DIS3: variants seen among roughly 807,000 people sequenced by gnomAD.
DIS3 encodes the protein exosome complex exonuclease RRP44.
Under a neutral mutation model 113.0 loss-of-function variants are expected in DIS3, and 103 were observed. The ratio of observed to expected loss-of-function variants is 0.91; its 90% CI spans 0.78 to 1.07. DIS3 has a LOEUF of 1.07. DIS3 is among the 50% of genes least tolerant of loss of function. The probability of loss-of-function intolerance (pLI) is 0.00; values close to 1 mark genes in which losing one functional copy is unlikely to be tolerated. For synonymous variants in DIS3, 402 were observed against 394.3 expected, an observed-to-expected ratio of 1.02 and a Z score of -0.23; for missense variants, 1,121 against 1,167.1, an observed-to-expected ratio of 0.96 and a Z score of 0.58.
intron 15 of DIS3, among the ~76,000 whole-genome samples, chr13:72,763,994 A>C (rs2033690709): frequency 1.3e-5 from 2 of 152,078 alleles, no homozygotes. Flanking sequence ...TACTAAAAAT[A>C]TAAAAAAATT....
At chr13:72,774,829 T>C (rs1017363603) in intron 6 of DIS3, among the ~76,000 whole-genome samples, 11 of 152,166 alleles carry the variant, frequency 7.2e-5, no homozygotes, top group Admixed American at 7.2e-4. Flanking sequence ...ACGTCTATTA[T>C]GTTAAGGGAA....
Position 72,772,243 on chromosome 13 carries a change from C to T in DIS3, c.1419G>A (p.Leu473=). 2 of 1,612,988 alleles carry T rather than the reference C, an allele frequency of 1.2e-6. No homozygotes were observed. The highest frequency in any genetic ancestry group is 2.7e-5 in the African/African-American group (2 of 75,026). ...CTGGTGGGTCTACACTACAAATACA[C>T]AGATGCCTCAGGTCTTCTCGGTTTT... The part of the protein sequence containing the change: ...DMKNREDLRH[L]CICSVDPPGC... Residue 473 remains leucine (L), a synonymous_variant, in exon 10 of 21, where the codon CTG becomes CTA. Transcript: ENST00000377767.
At chr13:72,770,659 G>A (rs2033863396) in intron 13 of DIS3, among the ~76,000 whole-genome samples, 1 of 152,138 alleles carries the variant, frequency 6.6e-6, no homozygotes, top group Non-Finnish European at 1.5e-5. Context: ...GTTTAAGCAC[G>A]TGCCCGCAGC....
chr13:72,770,633 A>C (rs757958565), intron 13 of DIS3, among the ~76,000 whole-genome samples: 2 of 152,194 alleles, frequency 1.3e-5, no homozygotes, highest in South Asian at 2.1e-4. Context: ...GTGTAAATTT[A>C]AGTGCATCTG....
At position 72,777,422 on chromosome 13, in the gene DIS3, C is replaced by G. The variant is rs1236176033; in HGVS notation, c.652G>C (p.Gly218Arg). ...IDRLACLSEE[G>R]NEIESGKIIF... ...TCAAAAACAAAACAAAAACATACCC[C>G]TTCTTCAGACAAACAAGCAAGACGA... The change falls in exon 4 of 21, where the codon GGG becomes CGG. Residue 218 changes from glycine to arginine, a missense_variant and splice_region_variant. By Grantham distance (125) the Gly-to-Arg change is moderately radical. This residue lies in a region of DIS3 where 861 missense variants were observed against 915.5 expected (regional missense o/e 0.94). Coordinates refer to ENST00000377767, the MANE Select transcript of DIS3 (RefSeq NM_014953.5). 6.2e-7 allele frequency: 1 copy of G among 1,613,808 alleles called. No individual in the cohort carries two copies. Among genetic ancestry groups the G allele is most frequent in the Non-Finnish European group, 8.5e-7 (1 of 1,179,908 alleles).
At position 72,778,300 on chromosome 13, in the gene DIS3, T is replaced by C. The variant is rs1340484781; in HGVS notation, c.467A>G (p.Tyr156Cys). 2 of 1,607,534 alleles carry C rather than the reference T, an allele frequency of 1.2e-6. No homozygotes were observed. The highest frequency in any genetic ancestry group is 8.5e-7 in the Non-Finnish European group (1 of 1,175,136). The change falls in exon 3 of 21, where the codon TAC (tyrosine) becomes TGC (cysteine). Residue 156 changes from tyrosine (Y) to cysteine (C), a missense_variant. Coordinates refer to ENST00000377767, the MANE Select transcript of DIS3 (RefSeq NM_014953.5). ...DRAIRVAAKW[Y>C]NEHLKKMSAD... ...TGACATTTTTTTCAAATGTTCATTGTACCATTTTGCTGCTACTCGAATCGC... is the reference window on the plus strand; with the variant it reads ...TGACATTTTTTTCAAATGTTCATTGCACCATTTTGCTGCTACTCGAATCGC...
At position 72,754,929 on chromosome 13, in the gene DIS3, G is replaced by A. The variant is rs980888670; in HGVS notation, c.*4866C>T. On this transcript the variant is annotated 3_prime_UTR_variant, in exon 21 of 21. Coordinates refer to ENST00000377767, the MANE Select transcript of DIS3 (RefSeq NM_014953.5). Reference sequence around the variant, plus strand: ...GGGTCTCACTATGTTGCCAGGGCTAGTCCCAAACTCCTGGGCTCGTGCGAT... The same window carrying A: ...GGGTCTCACTATGTTGCCAGGGCTAATCCCAAACTCCTGGGCTCGTGCGAT... 12 of 452,362 alleles carry A rather than the reference G, an allele frequency of 2.7e-5. No individual in the cohort carries two copies. Among genetic ancestry groups the A allele is most frequent in the African/African-American group, 2.2e-4 (11 of 49,636 alleles). 28.0% of individuals were successfully genotyped at this position (452,362 alleles called of 1,614,324 possible). A position where few individuals can be genotyped will look rare whatever the true frequency, so the allele number is the denominator to read the frequency against.
intron 1 of DIS3, 110 bp from the exon 2 acceptor site, chr13:72,781,113 G>T (rs2034192212): frequency 1.5e-6 from 2 of 1,361,562 alleles, no homozygotes; most frequent in Admixed American, 2.4e-5. Context: ...TAAAAACACT[G>T]AATAAGTTAA....
In DIS3 at chr13:72,773,667, TA is replaced by T. The variant is rs770979327; in HGVS notation, c.1239+16del. ...TTAATTAAACATCCCCACATAAAATTAATACTTTAAGCTTACATTTGGATAT... is the reference window on the plus strand; with the variant it reads ...TTAATTAAACATCCCCACATAAAATTATACTTTAAGCTTACATTTGGATAT... On this transcript the variant is annotated intron_variant, in intron 8 of 20. Transcript: ENST00000377767. 3.8e-6 allele frequency: 6 copies of T among 1,597,158 alleles called. No individual in the cohort carries two copies. The African/African-American group carries it at 8.1e-5, about 22-fold the overall frequency.
In DIS3 at chr13:72,756,032, G is replaced by A; in HGVS notation, c.*3763C>T. ...TGTGAAGTAACACTGGGGCAGATAT[G>A]TATGTTATATACAACTATTTTTTTA... On this transcript the variant is annotated 3_prime_UTR_variant, in exon 21 of 21. Transcript: ENST00000377767. The A allele has an allele frequency of 2.5e-6, 1 of 398,426 alleles. No homozygotes were observed. The allele number at this position is 398,426 out of a possible 1,614,324, so 24.7% of individuals were successfully genotyped here.
chr13:72,755,180 G>T lies in DIS3; in HGVS notation c.*4615C>A. ...ACCACACAACACAGAGGTGTTGGAT[G>T]AAAACAGCAAGCCCTTTTCAATGCA... is the stretch of plus-strand genomic sequence containing the variant. On this transcript the variant is annotated 3_prime_UTR_variant, in exon 21 of 21. Transcript: ENST00000377767. The T allele has an allele frequency of 6.2e-7, 1 of 1,613,800 alleles. No homozygotes were observed. The highest frequency in any genetic ancestry group is 2.2e-5 in the East Asian group (1 of 44,874).
chr13:72,763,700 GATA>G (rs1215652575), intron 15 of DIS3, 93 bp from the exon 16 acceptor site: 1 of 1,231,356 alleles, frequency 8.1e-7, no homozygotes, highest in Non-Finnish European at 1.1e-6. Context: ...TTACCAAGAA[GATA>G]ATAAGAGCAT....
Position 72,762,084 on chromosome 13 carries a change from C to T in DIS3, c.2181G>A (p.Gln727=). ...GATATGGAAAAGTAGGAGATTCGGC[C>T]TGATCCAAAGACTCAGCCAAAGACT... ...TAKSLAESLD[Q]AESPTFPYLN... The change falls in exon 17 of 21, where the codon CAG becomes CAA. Residue 727 remains glutamine, a synonymous_variant. Transcript: ENST00000377767. 1.2e-6 allele frequency: 2 copies of T among 1,614,038 alleles called. No individual in the cohort carries two copies. Among genetic ancestry groups the T allele is most frequent in the Non-Finnish European group, 1.7e-6 (2 of 1,180,016 alleles).
chr13:72,773,427 A>G (rs988283856), intron 8 of DIS3, among the ~76,000 whole-genome samples: 1 of 152,094 alleles, frequency 6.6e-6, no homozygotes, highest in African/African-American at 2.4e-5. Context: ...ACAGAACTGC[A>G]CTCCAGCCGG....
chr13:72,780,325 C>CAAAAAAAA (rs397851597), intron 2 of DIS3, among the ~76,000 whole-genome samples: 10 of 55,390 alleles, frequency 1.8e-4, no homozygotes, highest in Non-Finnish European at 2.4e-4. Flanking sequence ...GACTCCATCT[C>CAAAAAAAA]AAAAAAAAAA....
chr13:72,776,055 T>C lies in DIS3; in HGVS notation c.692A>G (p.His231Arg). 1 of 1,599,892 alleles carries C rather than the reference T, an allele frequency of 6.3e-7. No homozygotes were observed. The stretch of plus-strand genomic sequence containing the variant: ...TTGCTGTAGCTTACTTAAGGGAAGA[T>C]GCTCTGAAAATATTATTTTTCCACT... Reference protein sequence around the residue: ...IESGKIIFSEHLPLSKLQQGI... With the variant: ...IESGKIIFSERLPLSKLQQGI... Residue 231 changes from histidine (H) to arginine (R), a missense_variant, in exon 5 of 21, where the codon CAT becomes CGT. Transcript: ENST00000377767.
Position 72,761,882 on chromosome 13 carries a change from A to T in DIS3, c.2342+41T>A, listed in dbSNP as rs191800779. The T allele has an allele frequency of 2.5e-6, 4 of 1,612,086 alleles. No individual in the cohort carries two copies. In the Admixed American group the frequency reaches 6.7e-5, roughly 27 times the overall value. ...ATATGTGCTTTTAAAATTCAAAATTAACCATTTTCTATCTCCTTTAATTTC... is the reference window on the plus strand; with the variant it reads ...ATATGTGCTTTTAAAATTCAAAATTTACCATTTTCTATCTCCTTTAATTTC... On this transcript the variant is annotated intron_variant, in intron 17 of 20. Coordinates refer to ENST00000377767, the MANE Select transcript of DIS3 (RefSeq NM_014953.5).
At chr13:72,769,066 C>T (rs1254236706) in intron 13 of DIS3, among the ~76,000 whole-genome samples, 154 bp from the exon 14 acceptor site, 1 of 152,204 alleles carries the variant, frequency 6.6e-6, no homozygotes, top group African/African-American at 2.4e-5. Context: ...TTATACTTCA[C>T]ATCTATGATT....
intron 3 of DIS3, 123 bp downstream of exon 3, chr13:72,778,064 A>G (rs1052968215): frequency 6.9e-6 from 6 of 870,300 alleles, no homozygotes; most frequent in African/African-American, 5.0e-5. Context: ...CAAAAATATC[A>G]CATGAAGTTA....
Sources: gnomAD v4.1 joint callset for allele counts (sites outside exome capture counted in the v4.1 genomes callset) on GRCh38, gnomAD v4.1.1 for gene constraint, gnomAD v4.1.1 regional missense constraint, MANE v1.5 for transcripts, NCBI Gene and HGNC (gene_info 2026-07-23, HGNC 2026-07-21) for gene names.